The following VPS35L variants were observed in gnomAD, a reference collection of about 807,000 sequenced individuals.
VPS35L encodes VPS35 endosomal protein-sorting factor-like.
A neutral mutation model predicts 133.0 loss-of-function variants in VPS35L; 83 were observed. The ratio of observed to expected loss-of-function variants is 0.62; its 90% CI spans 0.52 to 0.75. The LOEUF is 0.75. VPS35L is among the 30% of genes least tolerant of loss of function. The pLI is 0.00. For missense variants in VPS35L, 1,083 were observed against 1,206.8 expected (o/e 0.90, Z 1.52); for synonymous variants, 423 against 449.9 (o/e 0.94, Z 0.76).
At chr16:19,660,389 G>A (rs1438983448) in intron 26 of VPS35L, among the ~76,000 whole-genome samples, 1 of 152,086 alleles carries the variant, frequency 6.6e-6, no homozygotes, top group Admixed American at 6.5e-5. Context: ...CCTGGGCTAG[G>A]ACAGCTGTCA....
At chr16:19,676,407 A>G (rs1407502290) in intron 27 of VPS35L, among the ~76,000 whole-genome samples, 1 of 152,180 alleles carries the variant, frequency 6.6e-6, no homozygotes, top group Non-Finnish European at 1.5e-5. Context: ...GCATGTTGAA[A>G]TGTTCTGCTT....
At chr16:19,663,107 C>G (rs188470819) in intron 26 of VPS35L, among the ~76,000 whole-genome samples, 1 of 151,916 alleles carries the variant, frequency 6.6e-6, no homozygotes, top group African/African-American at 2.4e-5. Context: ...TTCAGGAGTT[C>G]GAGATCAGCC....
intron 24 of VPS35L, among the ~76,000 whole-genome samples, chr16:19,648,824 C>T (rs376027966): frequency 2.2e-4 from 32 of 146,802 alleles, no homozygotes; most frequent in African/African-American, 3.5e-4. Flanking sequence ...GCAGAGATCG[C>T]GCCACTGCAC....
intron 26 of VPS35L, among the ~76,000 whole-genome samples, chr16:19,667,907 G>T (rs1974750204): frequency 6.6e-6 from 1 of 152,006 alleles, no homozygotes; most frequent in Non-Finnish European, 1.5e-5. Flanking sequence ...ATGTGGAAGG[G>T]GTTTGAGTTT....
chr16:19,581,504 CCTT>C lies in VPS35L; in HGVS notation c.511-18_511-16del. 1 of 1,557,840 alleles carries C rather than the reference CCTT, an allele frequency of 6.4e-7. No individual in the cohort carries two copies. The highest frequency in any genetic ancestry group is 8.7e-7 in the Non-Finnish European group (1 of 1,149,342). The stretch of plus-strand genomic sequence containing the variant: ...CAATGTTTTTCCTGCTATGCCTTCA[CCTT>C]CTGCCTTCTCCCCACAGGGTTCCCA... On this transcript the variant is annotated intron_variant, in intron 6 of 30. Coordinates refer to ENST00000417362, the MANE Select transcript of VPS35L (RefSeq NM_020314.7).
At chr16:19,594,644 CAAAAA>C (rs57187565) in intron 8 of VPS35L, among the ~76,000 whole-genome samples, 10 of 31,496 alleles carry the variant, frequency 3.2e-4, no homozygotes, top group South Asian at 4.2e-3. Flanking sequence ...GATTTCGTCT[CAAAAA>C]AAAAAAAAAA....
chr16:19,638,092 CA>C (rs2151575228), intron 20 of VPS35L, among the ~76,000 whole-genome samples: 1 of 152,310 alleles, frequency 6.6e-6, no homozygotes, highest in South Asian at 2.1e-4. Flanking sequence ...ATGATTCCCT[CA>C]AAAATTTAAA....
At chr16:19,684,540 C>T (rs1975391755) in intron 28 of VPS35L, among the ~76,000 whole-genome samples, 1 of 152,216 alleles carries the variant, frequency 6.6e-6, no homozygotes, top group African/African-American at 2.4e-5. Context: ...GATCTGAGCA[C>T]TTACTGCGTG....
chr16:19,569,613 C>T lies in VPS35L; in HGVS notation c.285+22C>T, dbSNP rs193064539. On this transcript the variant is annotated intron_variant, in intron 3 of 30. Coordinates refer to ENST00000417362, the MANE Select transcript of VPS35L (RefSeq NM_020314.7). ...CATGGTAATGCACCCCAGCCATGGT[C>T]GTCCAGTGGGGGTTGGTTTTGTGGG... 158 of 1,512,114 alleles carry T rather than the reference C, an allele frequency of 1.0e-4. 2 individuals carry two copies. In the Admixed American group the frequency reaches 3.4e-3, roughly 33 times the overall value. The allele number at this position is 1,512,114 out of a possible 1,614,324, so 93.7% of individuals were successfully genotyped here. A position where few individuals can be genotyped will look rare whatever the true frequency, so the allele number is the denominator to read the frequency against.
At chr16:19,667,265 C>T (rs1242726727) in intron 26 of VPS35L, among the ~76,000 whole-genome samples, 2 of 152,006 alleles carry the variant, frequency 1.3e-5, no homozygotes, top group Non-Finnish European at 2.9e-5. Flanking sequence ...CCTGGTTGGG[C>T]CATGTCTTAC....
chr16:19,651,892 T>C, intron 25 of VPS35L, 84 bp from the exon 26 acceptor site: 1 of 1,021,236 alleles, frequency 9.8e-7, no homozygotes, highest in East Asian at 2.6e-5. Flanking sequence ...GTTTCTTTCC[T>C]TGGAAATACA....
intron 27 of VPS35L, among the ~76,000 whole-genome samples, chr16:19,680,072 A>G (rs1975215037): frequency 6.6e-6 from 1 of 152,126 alleles, no homozygotes; most frequent in African/African-American, 2.4e-5. Flanking sequence ...GTAGTTAGAA[A>G]TGTCCACTCT....
At chr16:19,628,824 C>G in intron 17 of VPS35L, 71 bp downstream of exon 17, 1 of 691,356 alleles carries the variant, frequency 1.4e-6, no homozygotes, top group Non-Finnish European at 2.0e-6. Context: ...TGAAGTCTTG[C>G]TCTGTCGCCC....
intron 9 of VPS35L, among the ~76,000 whole-genome samples, chr16:19,602,952 A>C (rs1364704746): frequency 1.4e-5 from 2 of 147,460 alleles, no homozygotes; most frequent in Non-Finnish European, 3.0e-5. Context: ...CTTTGTAGAC[A>C]CGGGGTCTCC....
rs116064247 is a variant in VPS35L, at chr16:19,676,517, A to G, written c.2362-5708A>G. 2.9e-3 allele frequency among the ~76,000 whole-genome samples: 444 copies of G among 152,336 alleles called. 5 individuals carry two copies. Among genetic ancestry groups the G allele is most frequent in the African/African-American group, 0.01 (429 of 41,580 alleles). On this transcript the variant is annotated intron_variant, in intron 27 of 30. Coordinates refer to ENST00000417362, the MANE Select transcript of VPS35L (RefSeq NM_020314.7). The stretch of plus-strand genomic sequence containing the variant: ...TTTCATGTAACAATGTGGTAAGACA[A>G]AGTAGACTTGACTGAACAAGTTCAG...
chr16:19,633,203 T>C lies in VPS35L; in HGVS notation c.1635+31T>C, dbSNP rs535921776. 6.3e-7 allele frequency: 1 copy of C among 1,597,412 alleles called. No individual in the cohort carries two copies. The highest frequency in any genetic ancestry group is 1.3e-5 in the African/African-American group (1 of 74,678). On this transcript the variant is annotated intron_variant, in intron 19 of 30. Transcript: ENST00000417362. This position sits in a 1 kb window ranked among gnomAD's most constrained non-coding sequence, Gnocchi z 4.1. ...AGATTTGCATTTCTCATTTCAACAT[T>C]GTTAGGAATTTTGTTCTGTTGAATT...
chr16:19,621,173 G>T (rs1973067657), intron 14 of VPS35L, among the ~76,000 whole-genome samples: 1 of 152,178 alleles, frequency 6.6e-6, no homozygotes, highest in African/African-American at 2.4e-5. Flanking sequence ...CTCCAACCCA[G>T]TATTTATAAG....
At chr16:19,598,177 T>C (rs1337199148) in intron 8 of VPS35L, among the ~76,000 whole-genome samples, 4 of 152,184 alleles carry the variant, frequency 2.6e-5, no homozygotes, top group African/African-American at 9.7e-5. Context: ...ACCCTGCCTC[T>C]AAGGGTTTCT....
chr16:19,677,402 C>A (rs1975100999), intron 27 of VPS35L, among the ~76,000 whole-genome samples: 1 of 152,090 alleles, frequency 6.6e-6, no homozygotes, highest in Non-Finnish European at 1.5e-5. Flanking sequence ...TTTTAATGAA[C>A]CATAGAGACC....
Sources: gnomAD v4.1 joint callset for allele counts (sites outside exome capture counted in the v4.1 genomes callset) on GRCh38, gnomAD v4.1.1 for gene constraint, Gnocchi (gnomAD v3.1) non-coding constraint, MANE v1.5 for transcripts, NCBI Gene and HGNC (gene_info 2026-07-23, HGNC 2026-07-21) for gene names.